The following SHC4 variants were observed in gnomAD, a reference collection of about 807,000 sequenced individuals.
The protein encoded by SHC4 is SHC-transforming protein 4.
In SHC4, 41 loss-of-function variants were observed where a neutral mutation model predicts 69.4. The ratio of observed to expected loss-of-function variants is 0.59; its 90% CI spans 0.46 to 0.77. The LOEUF (loss-of-function observed/expected upper bound fraction) is 0.77, where lower values mean the gene tolerates loss of function less well. Among genes scored for constraint, SHC4 ranks in the 30% least tolerant of loss-of-function variants. The probability of loss-of-function intolerance (pLI) is 0.00; values close to 1 mark genes in which losing one functional copy is unlikely to be tolerated. For synonymous variants in SHC4, 318 were observed against 299.3 expected (o/e 1.06, Z -0.64); for missense variants, 777 against 783.8 (o/e 0.99, Z 0.10).
intron 2 of SHC4, among the ~76,000 whole-genome samples, chr15:48,903,957 G>T (rs1900361001): frequency 6.6e-6 from 1 of 152,118 alleles, no homozygotes; most frequent in East Asian, 1.9e-4. Context: ...AGAAGCCTTT[G>T]CATACTAAAG....
chr15:48,931,853 T>C (rs892790627), intron 1 of SHC4, among the ~76,000 whole-genome samples: 3 of 151,954 alleles, frequency 2.0e-5, no homozygotes, highest in Admixed American at 2.0e-4. Context: ...AATAATATCT[T>C]GTGTTTCTGT....
chr15:48,875,154 CATT>C (rs1350519868), intron 4 of SHC4, among the ~76,000 whole-genome samples: 2 of 151,816 alleles, frequency 1.3e-5, no homozygotes, highest in African/African-American at 4.8e-5. Context: ...AGGTGATTCA[CATT>C]ATCCAAGCTT....
intron 3 of SHC4, among the ~76,000 whole-genome samples, chr15:48,885,277 T>C (rs1448029000): frequency 6.6e-6 from 1 of 152,164 alleles, no homozygotes; most frequent in Non-Finnish European, 1.5e-5. Context: ...TACCAACTGA[T>C]GACCTTAGAC....
At chr15:48,938,358 C>T (rs1901111991) in intron 1 of SHC4, 2 of 152,184 alleles carry the variant, frequency 1.3e-5, no homozygotes, top group African/African-American at 4.8e-5. Flanking sequence ...AACTGGAGAC[C>T]TATGGTTTAA....
chr15:48,912,928 C>T (rs542557957), intron 2 of SHC4, among the ~76,000 whole-genome samples: 3 of 147,420 alleles, frequency 2.0e-5, no homozygotes, highest in South Asian at 2.2e-4. Context: ...GCACAGAGTC[C>T]TGCGATGTGA....
intron 4 of SHC4, chr15:48,877,334 T>C: frequency 4.3e-6 from 3 of 690,692 alleles, no homozygotes; most frequent in South Asian, 1.3e-4. Context: ...TCTACATAAC[T>C]ATAATGTAAT....
At chr15:48,890,154 G>A (rs1451353006) in intron 3 of SHC4, among the ~76,000 whole-genome samples, 1 of 152,130 alleles carries the variant, frequency 6.6e-6, no homozygotes. Context: ...AAGAGGTTAA[G>A]TAACTTGTCC....
chr15:48,961,496 G>T (rs571001849), intron 1 of SHC4, among the ~76,000 whole-genome samples: 2 of 152,230 alleles, frequency 1.3e-5, no homozygotes, highest in East Asian at 3.9e-4. Context: ...CCACCACAGT[G>T]ACTTTGCTCC....
At chr15:48,850,797 G>T (rs1461130286) in intron 9 of SHC4, among the ~76,000 whole-genome samples, 1 of 152,100 alleles carries the variant, frequency 6.6e-6, no homozygotes, top group African/African-American at 2.4e-5. Context: ...CCAGAATAAA[G>T]ATTTTATCTT....
At chr15:48,840,693 G>A (rs1235443679) in intron 10 of SHC4, among the ~76,000 whole-genome samples, 3 of 152,112 alleles carry the variant, frequency 2.0e-5, no homozygotes, top group Admixed American at 6.5e-5. Context: ...GCTAAGCCAC[G>A]AAGCCTCACC....
chr15:48,936,141 A>G (rs1199181716), intron 1 of SHC4, among the ~76,000 whole-genome samples: 1 of 152,082 alleles, frequency 6.6e-6, no homozygotes, highest in African/African-American at 2.4e-5. Flanking sequence ...ATTTTGGTTG[A>G]TTGAATTTGA....
chr15:48,829,105 T>C (rs1253641996), intron 11 of SHC4, among the ~76,000 whole-genome samples: 1 of 152,222 alleles, frequency 6.6e-6, no homozygotes, highest in East Asian at 1.9e-4. Context: ...CCACTGATAC[T>C]TGTTATGATG....
rs536636085 is a variant in SHC4 at position 48,830,080 on chromosome 15, A to G, written c.1738-3954T>C. Among the ~76,000 whole-genome samples the G allele has an allele frequency of 3.3e-5, 5 of 152,196 alleles. No individual in the cohort carries two copies. In the East Asian group the frequency reaches 7.7e-4, roughly 23 times the overall value. ...ACTAGAGAAGAACTATTACCATTCT[A>G]TTGTTTTCTGTCTTAAAGCTTTTTT... is the stretch of plus-strand genomic sequence containing the variant. On this transcript the variant is annotated intron_variant, in intron 11 of 11. Transcript: ENST00000332408.
chr15:48,825,326 T>C lies in SHC4; in HGVS notation c.*645A>G, dbSNP rs1567045917. The stretch of plus-strand genomic sequence containing the variant: ...GGCCAGAGGATTTGGGCCCCAATCC[T>C]TTTAACCAGCAAATGGGACAGTCCA... On this transcript the variant is annotated 3_prime_UTR_variant, in exon 12 of 12. Transcript: ENST00000332408. The C allele has an allele frequency of 6.6e-6, 1 of 152,310 alleles. No individual in the cohort carries two copies. Among genetic ancestry groups the C allele is most frequent in the East Asian group, 1.9e-4 (1 of 5,180 alleles). 9.4% of individuals were successfully genotyped at this position (152,310 alleles called of 1,614,324 possible). A position where few individuals can be genotyped will look rare whatever the true frequency, so the allele number is the denominator to read the frequency against.
At position 48,857,823 on chromosome 15, in the gene SHC4, A is replaced by AG. The variant is rs34930017; in HGVS notation, c.947-9dup. The AG allele has an allele frequency of 1.3e-6, 2 of 1,500,780 alleles. No homozygotes were observed. Among genetic ancestry groups the AG allele is most frequent in the African/African-American group, 2.8e-5 (2 of 71,038 alleles). 93.0% of individuals were successfully genotyped at this position (1,500,780 alleles called of 1,614,324 possible). On this transcript the variant is annotated splice_polypyrimidine_tract_variant and intron_variant, in intron 6 of 11. Coordinates refer to ENST00000332408, the MANE Select transcript of SHC4 (RefSeq NM_203349.4). ...ATTCCAATATGTGACAGGCTGCAAG[A>AG]GGACATACAAAAAATAATATTATAA...
chr15:48,848,866 G>A (rs934948549), intron 9 of SHC4, among the ~76,000 whole-genome samples: 1 of 151,948 alleles, frequency 6.6e-6, no homozygotes, highest in Non-Finnish European at 1.5e-5. Flanking sequence ...AACTCTTGGG[G>A]GAAAAAGAAG....
intron 8 of SHC4, among the ~76,000 whole-genome samples, chr15:48,851,748 G>A (rs549594047): frequency 3.5e-4 from 54 of 152,274 alleles, no homozygotes; most frequent in African/African-American, 1.3e-3. Context: ...AATATACTGT[G>A]GGGGAGGGAT....
intron 1 of SHC4, among the ~76,000 whole-genome samples, chr15:48,955,882 T>C (rs1252680313): frequency 6.6e-6 from 1 of 152,160 alleles, no homozygotes; most frequent in Non-Finnish European, 1.5e-5. Flanking sequence ...GCTCCACCAC[T>C]GGTAGATGTG....
intron 2 of SHC4, among the ~76,000 whole-genome samples, chr15:48,905,132 T>C (rs1387353272): frequency 6.6e-6 from 1 of 152,180 alleles, no homozygotes; most frequent in Non-Finnish European, 1.5e-5. Context: ...GCAGTGACCA[T>C]GGAAAGTTCA....
Sources: allele counts gnomAD v4.1 joint callset (sites outside exome capture counted in the v4.1 genomes callset), GRCh38; gene constraint gnomAD v4.1.1; transcripts MANE v1.5; gene names NCBI Gene and HGNC (gene_info 2026-07-23, HGNC 2026-07-21).